B3GALT1: variants seen among roughly 807,000 people sequenced by gnomAD.
The protein encoded by B3GALT1 is UDP-Gal:betaGlcNAc beta 1,3-galactosyltransferase, polypeptide 1.
B3GALT1 carries 10 observed loss-of-function variants against 23.2 expected under a neutral mutation model. That is an observed-to-expected ratio of 0.43 (90% CI 0.27 to 0.73). The LOEUF is 0.73. B3GALT1 is among the 30% of genes least tolerant of loss of function. The pLI, the probability that B3GALT1 is intolerant of heterozygous loss-of-function variation, is 0.21. For missense variants in B3GALT1, 299 were observed against 405.4 expected (o/e 0.74, Z 2.25); for synonymous variants, 156 against 141.5 (o/e 1.10, Z -0.73).
chr2:167,704,771 C>T (rs1251116296), intron 3 of B3GALT1, among the ~76,000 whole-genome samples: 2 of 152,174 alleles, frequency 1.3e-5, no homozygotes, highest in Non-Finnish European at 2.9e-5. Flanking sequence ...ATCCCATCCA[C>T]ATTCATTGGA....
intron 2 of B3GALT1, among the ~76,000 whole-genome samples, chr2:167,541,936 G>A (rs560997796): frequency 2.6e-4 from 39 of 152,134 alleles, no homozygotes; most frequent in Admixed American, 2.6e-3. Flanking sequence ...TGATGAGTGA[G>A]TTTCCTAAAA....
chr2:167,473,429 C>T (rs566801663), intron 1 of B3GALT1, among the ~76,000 whole-genome samples: 1 of 152,118 alleles, frequency 6.6e-6, no homozygotes, highest in South Asian at 2.1e-4. Context: ...AGTGTATTCT[C>T]ATAAATACAA....
chr2:167,296,452 C>T (rs1484372427), intron 1 of B3GALT1, among the ~76,000 whole-genome samples: 1 of 152,198 alleles, frequency 6.6e-6, no homozygotes, highest in East Asian at 1.9e-4. Flanking sequence ...GAAGTTCATT[C>T]TCATTTTTTC....
intron 3 of B3GALT1, among the ~76,000 whole-genome samples, chr2:167,729,126 G>T (rs900293391): frequency 6.6e-6 from 1 of 152,204 alleles, no homozygotes; most frequent in Non-Finnish European, 1.5e-5. Context: ...AACTGTGAGG[G>T]AGGGAGTGGG....
At chr2:167,556,310 A>G (rs1411700948) in intron 2 of B3GALT1, among the ~76,000 whole-genome samples, 1 of 152,178 alleles carries the variant, frequency 6.6e-6, no homozygotes, top group African/African-American at 2.4e-5. Flanking sequence ...TTGGAATAGA[A>G]GCAGGTAAAC....
chr2:167,671,966 A>G (rs563279661), intron 3 of B3GALT1, among the ~76,000 whole-genome samples: 2 of 152,268 alleles, frequency 1.3e-5, no homozygotes, highest in South Asian at 2.1e-4. Flanking sequence ...CAGAAATACA[A>G]AGGATCATAA....
rs1690372750 is a variant in B3GALT1, at chr2:167,872,494, G to A, written c.*2474G>A. 1 of 152,326 alleles carries A rather than the reference G, an allele frequency of 6.6e-6. No homozygotes were observed. Among genetic ancestry groups the A allele is most frequent in the South Asian group, 2.1e-4 (1 of 4,826 alleles). The allele number at this position is 152,326 out of a possible 1,614,324, so 9.4% of individuals were successfully genotyped here. A position where few individuals can be genotyped will look rare whatever the true frequency, so the allele number is the denominator to read the frequency against. On this transcript the variant is annotated 3_prime_UTR_variant, in exon 5 of 5. Coordinates refer to ENST00000392690, the MANE Select transcript of B3GALT1 (RefSeq NM_020981.4). ...CAACCTGCAGCCTCAACTGCTGTGA[G>A]TTCCAATCACTGGGAAAGTCTCACG...
rs1359648726 is a variant in B3GALT1 at position 167,871,871 on chromosome 2, G to GT, written c.*1852dup. 1.5e-5 allele frequency: 2 copies of GT among 134,174 alleles called. No homozygotes were observed. The highest frequency in any genetic ancestry group is 2.8e-5 in the African/African-American group (1 of 36,304). The allele number at this position is 134,174 out of a possible 1,614,324, so 8.3% of individuals were successfully genotyped here. A position where few individuals can be genotyped will look rare whatever the true frequency, so the allele number is the denominator to read the frequency against. ...AAGAAAGCCCCACAGCTGAAAGAGTGTACCTTTTTTATTTATTTACTTTTT... is the reference window on the plus strand; with the variant it reads ...AAGAAAGCCCCACAGCTGAAAGAGTGTTACCTTTTTTATTTATTTACTTTTT... On this transcript the variant is annotated 3_prime_UTR_variant, in exon 5 of 5. Transcript: ENST00000392690.
At chr2:167,560,748 A>G (rs1013874652) in intron 2 of B3GALT1, among the ~76,000 whole-genome samples, 4 of 152,128 alleles carry the variant, frequency 2.6e-5, no homozygotes, top group South Asian at 2.1e-4. Flanking sequence ...TTCAACAAGA[A>G]GAGCTAACTG....
intron 2 of B3GALT1, among the ~76,000 whole-genome samples, chr2:167,625,985 A>ATATATATATATG (rs1324767675): frequency 8.3e-6 from 1 of 120,178 alleles, no homozygotes; most frequent in East Asian, 2.5e-4. Flanking sequence ...ATATATATAT[A>ATATATATATATG]TGACCTAAGC....
At chr2:167,721,426 G>T (rs1687231085) in intron 3 of B3GALT1, among the ~76,000 whole-genome samples, 2 of 152,164 alleles carry the variant, frequency 1.3e-5, no homozygotes, top group Admixed American at 1.3e-4. Context: ...TGTGGACAGA[G>T]GCAGAAACAG....
intron 2 of B3GALT1, chr2:167,558,199 C>T (rs1683889584): frequency 6.6e-6 from 1 of 152,098 alleles, no homozygotes; most frequent in African/African-American, 2.4e-5. Context: ...GAAAAACTAC[C>T]TTTAAAGCTA....
intron 4 of B3GALT1, among the ~76,000 whole-genome samples, chr2:167,858,411 A>T (rs1381876481): frequency 6.6e-6 from 1 of 150,680 alleles, no homozygotes; most frequent in Non-Finnish European, 1.5e-5. Flanking sequence ...ATCGTTCCTT[A>T]TGAAACATCT....
At chr2:167,565,673 C>T (rs1053217425) in intron 2 of B3GALT1, among the ~76,000 whole-genome samples, 3 of 152,056 alleles carry the variant, frequency 2.0e-5, no homozygotes, top group African/African-American at 7.2e-5. Flanking sequence ...AAAAAACAAC[C>T]CCATCAAAAA....
chr2:167,619,676 CAT>C (rs751351999), intron 2 of B3GALT1, among the ~76,000 whole-genome samples: 4 of 152,106 alleles, frequency 2.6e-5, no homozygotes, highest in East Asian at 3.9e-4. Flanking sequence ...TTCTACCACA[CAT>C]GTTTATATGC....
At position 167,625,985 on chromosome 2, in the gene B3GALT1, A is replaced by G. The variant is rs1032299471; in HGVS notation, c.-409-20924A>G. Among the ~76,000 whole-genome samples the G allele has an allele frequency of 6.9e-4, 83 of 120,144 alleles. No individual in the cohort carries two copies. The East Asian group carries it at 9.4e-3, about 14-fold the overall frequency. 78.8% of individuals were successfully genotyped at this position (120,144 alleles called of 152,430 possible). On this transcript the variant is annotated intron_variant, in intron 2 of 4. Transcript: ENST00000392690. The stretch of plus-strand genomic sequence containing the variant: ...TATATATATATATATATATATATAT[A>G]TGACCTAAGCCACAGCAATATTTGC...
intron 3 of B3GALT1, among the ~76,000 whole-genome samples, chr2:167,807,829 G>T (rs934288208): frequency 6.6e-6 from 1 of 152,156 alleles, no homozygotes; most frequent in African/African-American, 2.4e-5. Context: ...TATCTATTAG[G>T]TCTGCTTGGT....
intron 1 of B3GALT1, among the ~76,000 whole-genome samples, chr2:167,381,316 C>T (rs1037376335): frequency 3.9e-5 from 6 of 152,214 alleles, no homozygotes; most frequent in Admixed American, 2.0e-4. Flanking sequence ...CTGCCTTGGC[C>T]TCCCAAAGTG....
At chr2:167,766,644 A>C (rs1687981111) in intron 3 of B3GALT1, among the ~76,000 whole-genome samples, 1 of 152,218 alleles carries the variant, frequency 6.6e-6, no homozygotes, top group African/African-American at 2.4e-5. Context: ...AAGGAGCCAA[A>C]TCATGACTAT....
Sources: allele counts gnomAD v4.1 joint callset (sites outside exome capture counted in the v4.1 genomes callset), GRCh38; gene constraint gnomAD v4.1.1; transcripts MANE v1.5; gene names NCBI Gene and HGNC (gene_info 2026-07-23, HGNC 2026-07-21).